Variants in CLEC16A observed in about 807,000 individuals in gnomAD.
CLEC16A encodes protein CLEC16A.
CLEC16A carries 51 observed loss-of-function variants against 109.5 expected under a neutral mutation model. The ratio of observed to expected loss-of-function variants is 0.47; its 90% confidence interval spans 0.37 to 0.59. The LOEUF (loss-of-function observed/expected upper bound fraction) is 0.59. Ranked by LOEUF, CLEC16A falls within the 20% of genes least tolerant of loss-of-function variation. The pLI, the probability that CLEC16A is intolerant of heterozygous loss-of-function variation, is 0.00. For synonymous variants in CLEC16A, 673 were observed against 564.2 expected (o/e 1.19, Z -2.73); for missense variants, 1,339 against 1,394.0 (o/e 0.96, Z 0.63).
chr16:11,121,848 C>T (rs186038528), intron 20 of CLEC16A, among the ~76,000 whole-genome samples: 5 of 144,308 alleles, frequency 3.5e-5, no homozygotes, highest in African/African-American at 5.2e-5. Flanking sequence ...CCACTGCACT[C>T]CAGCCTGGGC....
intron 19 of CLEC16A, among the ~76,000 whole-genome samples, chr16:11,068,391 T>G (rs1567272689): frequency 1.3e-5 from 2 of 152,170 alleles, no homozygotes; most frequent in South Asian, 2.1e-4. Context: ...AGCTATCACC[T>G]TGAATATGAG....
chr16:11,132,479 G>C (rs930239052), intron 22 of CLEC16A, among the ~76,000 whole-genome samples: 2 of 152,090 alleles, frequency 1.3e-5, no homozygotes, highest in Non-Finnish European at 2.9e-5. Context: ...TTTGGGCTGT[G>C]TCTGCCTTTT....
chr16:10,999,962 G>A (rs1407728991), intron 10 of CLEC16A, among the ~76,000 whole-genome samples: 6 of 151,930 alleles, frequency 3.9e-5, no homozygotes, highest in South Asian at 2.1e-4. Context: ...TCAGCCTCCC[G>A]AGTAGTTGGG....
Position 11,052,381 on chromosome 16 carries a change from G to A in CLEC16A, c.1995+740G>A, listed in dbSNP as rs536916577. On this transcript the variant is annotated intron_variant, in intron 18 of 23. Coordinates refer to ENST00000409790, the MANE Select transcript of CLEC16A (RefSeq NM_015226.3). ...CAGCCTTTATCATCTGAGTTAATTC[G>A]TGTGTGACAGAGGTGTTTCACTTTT... 1.4e-4 allele frequency among the ~76,000 whole-genome samples: 21 copies of A among 152,236 alleles called. No individual in the cohort carries two copies. In the South Asian group the frequency reaches 2.9e-3, roughly 21 times the overall value.
intron 1 of CLEC16A, among the ~76,000 whole-genome samples, chr16:10,946,333 C>T (rs1596682909): frequency 1.3e-5 from 2 of 152,266 alleles, no homozygotes; most frequent in South Asian, 4.1e-4. Context: ...GGCAGGGCCA[C>T]AGTTCTCAGC....
intron 23 of CLEC16A, among the ~76,000 whole-genome samples, chr16:11,173,803 T>C (rs1240196395): frequency 6.6e-6 from 1 of 152,142 alleles, no homozygotes; most frequent in Non-Finnish European, 1.5e-5. Context: ...TGTTCTTCCG[T>C]CCCCTGAGGC....
intron 19 of CLEC16A, among the ~76,000 whole-genome samples, chr16:11,110,453 G>T (rs913471860): frequency 6.6e-6 from 1 of 152,150 alleles, no homozygotes; most frequent in Non-Finnish European, 1.5e-5. Flanking sequence ...TGTGTATCTT[G>T]CATATTCCAT....
In CLEC16A at chr16:11,115,587, G is replaced by A. The variant is rs752577509; in HGVS notation, c.2117-5028G>A. On this transcript the variant is annotated intron_variant, in intron 19 of 23. Transcript: ENST00000409790. ...GAGGTTTTGCCATGTTGCACAGGCC[G>A]GTGTGGAACTCCTGGGCTCAAGCGA... is the stretch of plus-strand genomic sequence containing the variant. 1.9e-4 allele frequency among the ~76,000 whole-genome samples: 29 copies of A among 152,274 alleles called. 1 individual carries two copies. Among genetic ancestry groups the A allele is most frequent in the Middle Eastern group, 6.8e-3 (2 of 294 alleles).
intron 3 of CLEC16A, among the ~76,000 whole-genome samples, chr16:10,962,964 C>G (rs1175748972): frequency 6.6e-6 from 1 of 151,888 alleles, no homozygotes; most frequent in Non-Finnish European, 1.5e-5. Flanking sequence ...GAGGCTGAGG[C>G]AGGAAGATTG....
In CLEC16A at chr16:11,016,829, A is replaced by G. The variant is rs2045783053; in HGVS notation, c.1304-3364A>G. Among the ~76,000 whole-genome samples the G allele has an allele frequency of 1.3e-5, 2 of 152,172 alleles. 1 individual carries two copies. Among genetic ancestry groups the G allele is most frequent in the South Asian group, 4.1e-4 (2 of 4,828 alleles). On this transcript the variant is annotated intron_variant, in intron 11 of 23. Coordinates refer to ENST00000409790, the MANE Select transcript of CLEC16A (RefSeq NM_015226.3). ...AAATAAGTACAAAACTATGCAAACA[A>G]AGCATTTGTCCACACACCACTTAGA... is the stretch of plus-strand genomic sequence containing the variant.
chr16:11,173,240 T>C (rs1001892117), intron 23 of CLEC16A, among the ~76,000 whole-genome samples: 6 of 152,176 alleles, frequency 3.9e-5, no homozygotes, highest in Non-Finnish European at 7.3e-5. Context: ...TTTTTTATTG[T>C]GGTAACATAC....
intron 19 of CLEC16A, among the ~76,000 whole-genome samples, chr16:11,064,960 TG>T (rs931480785): frequency 2.0e-5 from 3 of 152,180 alleles, no homozygotes; most frequent in Non-Finnish European, 4.4e-5. Flanking sequence ...CTGGGCTCCA[TG>T]GGGCTGGCAT....
intron 3 of CLEC16A, among the ~76,000 whole-genome samples, chr16:10,965,579 C>G (rs1023288020): frequency 6.6e-6 from 1 of 152,192 alleles, no homozygotes; most frequent in Non-Finnish European, 1.5e-5. Context: ...AACCTGACCA[C>G]GGGCATTTAG....
chr16:10,982,570 T>C (rs2043383377), intron 9 of CLEC16A, among the ~76,000 whole-genome samples: 2 of 152,216 alleles, frequency 1.3e-5, no homozygotes, highest in African/African-American at 4.8e-5. Flanking sequence ...TTGGCTGTTC[T>C]TTCCCGCATT....
At chr16:11,143,912 C>CCTCCTGCT (rs1310097814) in intron 22 of CLEC16A, among the ~76,000 whole-genome samples, 1 of 152,168 alleles carries the variant, frequency 6.6e-6, no homozygotes, top group Non-Finnish European at 1.5e-5. Context: ...CTGACCCTGG[C>CCTCCTGCT]CTCCTGCTCT....
chr16:10,968,670 C>T (rs557865361), intron 3 of CLEC16A, among the ~76,000 whole-genome samples: 1 of 152,296 alleles, frequency 6.6e-6, no homozygotes, highest in Admixed American at 6.5e-5. Context: ...AGCCTAGTGG[C>T]CGGCATGTAG....
At chr16:11,071,934 G>A (rs2049097096) in intron 19 of CLEC16A, among the ~76,000 whole-genome samples, 1 of 151,794 alleles carries the variant, frequency 6.6e-6, no homozygotes, top group African/African-American at 2.4e-5. Context: ...GTGGTTCTGT[G>A]GGAGTATGTT....
chr16:11,168,177 G>T (rs1008261380), intron 23 of CLEC16A, among the ~76,000 whole-genome samples: 7 of 152,140 alleles, frequency 4.6e-5, no homozygotes, highest in African/African-American at 1.7e-4. Context: ...ACCTGAATGT[G>T]ACCCCTGAGG....
intron 22 of CLEC16A, chr16:11,126,522 T>C: frequency 3.8e-6 from 3 of 791,618 alleles, no homozygotes; most frequent in Non-Finnish European, 5.6e-6. Context: ...TTGGTTCCGG[T>C]TACAACCCCC....
Sources: gnomAD v4.1 joint callset for allele counts (sites outside exome capture counted in the v4.1 genomes callset) on GRCh38, gnomAD v4.1.1 for gene constraint, MANE v1.5 for transcripts, NCBI Gene and HGNC (gene_info 2026-07-23, HGNC 2026-07-21) for gene names.